The following ILRUN variants were observed in gnomAD, a reference collection of about 807,000 sequenced individuals.
The protein encoded by ILRUN is inflammation and lipid regulator with UBA-like and NBR1-like domains, also known as protein ILRUN.
In ILRUN, 3 loss-of-function variants were observed where a neutral mutation model predicts 33.8. That is an observed-to-expected ratio of 0.09 (90% confidence interval 0.04 to 0.23). The LOEUF is 0.23. Ranked by LOEUF, ILRUN falls within the 10% of genes least tolerant of loss-of-function variation. The pLI is 1.00. For synonymous variants in ILRUN, 124 were observed against 138.9 expected, an observed-to-expected ratio of 0.89 and a Z score of 0.75; for missense variants, 210 against 375.1, an observed-to-expected ratio of 0.56 and a Z score of 3.64.
At chr6:34,687,347 T>C (rs1763543314) in intron 1 of ILRUN, among the ~76,000 whole-genome samples, 1 of 152,036 alleles carries the variant, frequency 6.6e-6, no homozygotes, top group Admixed American at 6.6e-5. Flanking sequence ...AAAATAAGAA[T>C]CAAAATCATA....
intron 4 of ILRUN, among the ~76,000 whole-genome samples, chr6:34,604,236 T>C (rs1339560345): frequency 6.6e-6 from 1 of 152,194 alleles, no homozygotes; most frequent in African/African-American, 2.4e-5. Context: ...AGTCCAGCCC[T>C]TCCAAAAGAA....
chr6:34,605,101 G>A (rs1761597918), intron 4 of ILRUN, among the ~76,000 whole-genome samples: 1 of 152,162 alleles, frequency 6.6e-6, no homozygotes, highest in Non-Finnish European at 1.5e-5. Flanking sequence ...GAGGTCAAGA[G>A]TTACAGACCA....
At chr6:34,600,176 G>C (rs970686345) in intron 4 of ILRUN, among the ~76,000 whole-genome samples, 2 of 152,150 alleles carry the variant, frequency 1.3e-5, no homozygotes, top group East Asian at 3.9e-4. Flanking sequence ...ACCTTTTAAG[G>C]CTCCCCTTTT....
chr6:34,608,693 A>G (rs2127324655), intron 3 of ILRUN, among the ~76,000 whole-genome samples: 1 of 152,348 alleles, frequency 6.6e-6, no homozygotes, highest in Non-Finnish European at 1.5e-5. Context: ...ATCACTGACC[A>G]AAACATCATT....
At chr6:34,670,418 TTA>T (rs1763093554) in intron 1 of ILRUN, among the ~76,000 whole-genome samples, 1 of 152,172 alleles carries the variant, frequency 6.6e-6, no homozygotes, top group Non-Finnish European at 1.5e-5. Flanking sequence ...GGTATGCAAA[TTA>T]TACTTCAGTA....
intron 1 of ILRUN, among the ~76,000 whole-genome samples, chr6:34,670,701 C>G (rs895145729): frequency 2.7e-5 from 4 of 150,818 alleles, no homozygotes; most frequent in Non-Finnish European, 5.9e-5. Context: ...AAAAAAAATA[C>G]AAAACTTAGC....
chr6:34,594,649 G>A (rs1252907746), intron 4 of ILRUN, among the ~76,000 whole-genome samples: 1 of 152,144 alleles, frequency 6.6e-6, no homozygotes, highest in Non-Finnish European at 1.5e-5. Context: ...ATGAGCGTGG[G>A]GACCTAAGTT....
At chr6:34,693,995 A>T (rs1247807715) in intron 1 of ILRUN, among the ~76,000 whole-genome samples, 1 of 151,748 alleles carries the variant, frequency 6.6e-6, no homozygotes, top group Non-Finnish European at 1.5e-5. Flanking sequence ...ATTTCGCTGT[A>T]TTTTTTGTAG....
At chr6:34,650,470 G>A (rs1424036469) in intron 2 of ILRUN, among the ~76,000 whole-genome samples, 1 of 149,206 alleles carries the variant, frequency 6.7e-6, no homozygotes, top group African/African-American at 2.5e-5. Flanking sequence ...AGTCTCTGCC[G>A]CCCAGGCTGG....
At chr6:34,638,901 T>C (rs1490922132) in intron 3 of ILRUN, among the ~76,000 whole-genome samples, 2 of 152,044 alleles carry the variant, frequency 1.3e-5, no homozygotes, top group African/African-American at 4.8e-5. Flanking sequence ...AAGGGCAAGA[T>C]AACTGGGAGA....
intron 3 of ILRUN, among the ~76,000 whole-genome samples, chr6:34,624,850 T>C (rs1762082943): frequency 6.6e-6 from 1 of 152,262 alleles, no homozygotes; most frequent in Non-Finnish European, 1.5e-5. Context: ...TCATTACTGA[T>C]GGTAACTAGT....
chr6:34,691,332 T>C (rs1763645416), intron 1 of ILRUN, among the ~76,000 whole-genome samples: 1 of 152,226 alleles, frequency 6.6e-6, no homozygotes, highest in South Asian at 2.1e-4. Context: ...GTTTTAGATA[T>C]TGGGTTTACT....
intron 1 of ILRUN, among the ~76,000 whole-genome samples, chr6:34,683,453 CATATATATACATATATAT>C (rs1763430143): frequency 3.1e-5 from 3 of 96,608 alleles, no homozygotes; most frequent in African/African-American, 1.5e-4. Flanking sequence ...TATATATATA[CATATATATACATATATAT>C]ACACATATAT....
At chr6:34,647,726 G>C (rs145278828) in intron 2 of ILRUN, among the ~76,000 whole-genome samples, 1 of 152,224 alleles carries the variant, frequency 6.6e-6, no homozygotes, top group African/African-American at 2.4e-5. Flanking sequence ...TACCACGCCT[G>C]GCTAATTATT....
At chr6:34,607,963 C>T (rs1462646074) in intron 3 of ILRUN, among the ~76,000 whole-genome samples, 1 of 151,984 alleles carries the variant, frequency 6.6e-6, no homozygotes, top group African/African-American at 2.4e-5. Context: ...CGTGGTGGTG[C>T]TCGCCTGTAG....
chr6:34,664,271 T>C, intron 1 of ILRUN, among the ~76,000 whole-genome samples: 1 of 152,188 alleles, frequency 6.6e-6, no homozygotes, highest in East Asian at 1.9e-4. Flanking sequence ...TATTTGAAAA[T>C]GTTTATCATA....
In ILRUN at chr6:34,588,954, CTA is replaced by C. The variant is rs892846988; in HGVS notation, c.*1609_*1610del. ...AGGCAGACCCTCACCCACACCCAGG[CTA>C]TATGACTCCTTGCAGCCACTCATTA... On this transcript the variant is annotated 3_prime_UTR_variant, in exon 5 of 5. Transcript: ENST00000374023. The C allele has an allele frequency of 6.5e-6, 1 of 152,776 alleles. No individual in the cohort carries two copies. Among genetic ancestry groups the C allele is most frequent in the African/African-American group, 2.4e-5 (1 of 41,446 alleles). 9.5% of individuals were successfully genotyped at this position (152,776 alleles called of 1,614,324 possible).
At chr6:34,618,648 G>A (rs1761947999) in intron 3 of ILRUN, among the ~76,000 whole-genome samples, 1 of 152,112 alleles carries the variant, frequency 6.6e-6, no homozygotes, top group African/African-American at 2.4e-5. Context: ...ATTTTGTCAG[G>A]CTACAGGCTT....
intron 4 of ILRUN, among the ~76,000 whole-genome samples, chr6:34,603,706 T>C (rs1582035946): frequency 6.6e-6 from 1 of 152,226 alleles, no homozygotes; most frequent in East Asian, 1.9e-4. Context: ...TTGCTCTCTA[T>C]TGAGCAAATT....
Sources: gnomAD v4.1 joint callset for allele counts (sites outside exome capture counted in the v4.1 genomes callset) on GRCh38, gnomAD v4.1.1 for gene constraint, MANE v1.5 for transcripts, NCBI Gene and HGNC (gene_info 2026-07-23, HGNC 2026-07-21) for gene names.